Variants in SARDH observed in about 807,000 individuals in gnomAD.
The protein encoded by SARDH is sarcosine dehydrogenase, also known as sarcosine dehydrogenase, mitochondrial.
In SARDH, 95 loss-of-function variants were observed where a neutral mutation model predicts 109.1. The observed-to-expected ratio is 0.87, with a 90% CI of 0.74 to 1.03. SARDH has a LOEUF of 1.03. Among genes scored for constraint, SARDH ranks in the 50% least tolerant of loss-of-function variants. The pLI, the probability that SARDH is intolerant of heterozygous loss-of-function variation, is 0.00. For synonymous variants in SARDH, 572 were observed against 534.8 expected (o/e 1.07, Z -0.96); for missense variants, 1,267 against 1,287.8 (o/e 0.98, Z 0.25).
intron 13 of SARDH, among the ~76,000 whole-genome samples, chr9:133,701,719 C>T (rs909742744): frequency 6.6e-6 from 1 of 152,220 alleles, no homozygotes; most frequent in East Asian, 1.9e-4. Flanking sequence ...CCTGCTGCTG[C>T]GGCGCTTCAT....
rs1229851452 is a variant in SARDH at position 133,694,294 on chromosome 9, T to G, written c.1885A>C (p.Ser629Arg). The part of the protein sequence containing the change: ...SDLTVSRLAP[S>R]HQASPLAPAF... Reference sequence around the variant, plus strand: ...GGGGCCAGCGGGGAGGCCTGGTGGCTGGGTGCCAGGCGGCTGACAGTCAGG... The same window carrying G: ...GGGGCCAGCGGGGAGGCCTGGTGGCGGGGTGCCAGGCGGCTGACAGTCAGG... The change falls in exon 15 of 21, where the codon AGC becomes CGC. Residue 629 changes from serine (S) to arginine (R), a missense_variant. By Grantham distance (110) the Ser-to-Arg change is moderately radical. Coordinates refer to ENST00000439388, the MANE Select transcript of SARDH (RefSeq NM_001134707.2). 1 of 1,550,286 alleles carries G rather than the reference T, an allele frequency of 6.5e-7. No homozygotes were observed. The highest frequency in any genetic ancestry group is 2.4e-5 in the East Asian group (1 of 40,902).
At chr9:133,711,760 C>G (rs1056260768) in intron 10 of SARDH, among the ~76,000 whole-genome samples, 1 of 152,300 alleles carries the variant, frequency 6.6e-6, no homozygotes, top group Middle Eastern at 3.4e-3. Flanking sequence ...CAGCAGCAGC[C>G]GGGAGCAGAG....
At chr9:133,697,771 C>T (rs1465286613) in intron 13 of SARDH, among the ~76,000 whole-genome samples, 1 of 152,118 alleles carries the variant, frequency 6.6e-6, no homozygotes, top group Non-Finnish European at 1.5e-5. Context: ...CTTCCCTCAG[C>T]TGATGAAAGA....
chr9:133,684,797 G>A (rs559729713), intron 17 of SARDH, among the ~76,000 whole-genome samples: 5 of 152,300 alleles, frequency 3.3e-5, no homozygotes, highest in South Asian at 2.1e-4. Flanking sequence ...GGAGCTCTCC[G>A]GAGCCAGCTA....
At chr9:133,730,750 G>A (rs1254685652) in intron 4 of SARDH, among the ~76,000 whole-genome samples, 23 of 152,182 alleles carry the variant, frequency 1.5e-4, no homozygotes, top group Admixed American at 1.4e-3. Flanking sequence ...GGCCGAGGCC[G>A]GTGGATCACG....
At chr9:133,716,975 C>T (rs1028935259) in intron 8 of SARDH, among the ~76,000 whole-genome samples, 4 of 152,136 alleles carry the variant, frequency 2.6e-5, no homozygotes, top group Admixed American at 6.5e-5. Flanking sequence ...GGATGTGGCC[C>T]GCTATTCCCA....
chr9:133,682,781 T>C (rs1000358367), intron 17 of SARDH, among the ~76,000 whole-genome samples: 3 of 95,880 alleles, frequency 3.1e-5, no homozygotes, highest in Non-Finnish European at 5.8e-5. Flanking sequence ...CCACGCGCAG[T>C]GATGGTTGGA....
intron 6 of SARDH, among the ~76,000 whole-genome samples, chr9:133,723,500 C>A (rs759411199): frequency 6.6e-6 from 1 of 152,176 alleles, no homozygotes; most frequent in Non-Finnish European, 1.5e-5. Context: ...TGGTGGCTCA[C>A]GCCTGTAATC....
At chr9:133,662,357 C>A (rs1829912260), downstream of SARDH, among the ~76,000 whole-genome samples, 1 of 152,190 alleles carries the variant, frequency 6.6e-6, no homozygotes, top group African/African-American at 2.4e-5. This position sits in a 1 kb window ranked among gnomAD's most constrained non-coding sequence, Gnocchi z 5.1. Flanking sequence ...ATCCAGGGGT[C>A]TATGGCCAAA....
In SARDH at chr9:133,718,898, C is replaced by T. The variant is rs1449392904; in HGVS notation, c.1020+40G>A. The T allele has an allele frequency of 1.4e-6, 2 of 1,475,566 alleles. No individual in the cohort carries two copies. Among genetic ancestry groups the T allele is most frequent in the South Asian group, 2.3e-5 (2 of 87,918 alleles). The allele number at this position is 1,475,566 out of a possible 1,614,324, so 91.4% of individuals were successfully genotyped here. ...GGCCCTCTCCATGCTGAGATGCAGC[C>T]CCAACTCCCTCCCATTATCCCAGGG... On this transcript the variant is annotated intron_variant, in intron 7 of 20. Transcript: ENST00000439388. This position sits in a 1 kb window ranked among gnomAD's most constrained non-coding sequence, Gnocchi z 4.2.
intron 14 of SARDH, among the ~76,000 whole-genome samples, chr9:133,695,524 C>G (rs781406897): frequency 1.3e-5 from 2 of 152,170 alleles, no homozygotes; most frequent in Non-Finnish European, 2.9e-5. Context: ...AGCTGCATGC[C>G]GAGGAAGGCC....
At chr9:133,687,312 C>T (rs886185859) in intron 16 of SARDH, among the ~76,000 whole-genome samples, 3 of 152,162 alleles carry the variant, frequency 2.0e-5, no homozygotes, top group African/African-American at 7.2e-5. Flanking sequence ...ACCCTGTCTC[C>T]CAGGGCGGCT....
Position 133,685,177 on chromosome 9 carries a change from G to A in SARDH, c.2163+16C>T. On this transcript the variant is annotated intron_variant, in intron 17 of 20. Transcript: ENST00000439388. ...TGCCACCCACGACCCAGAGGACGTG[G>A]CCAGCTGGAACCTACCAGGTGCCCT... 6.2e-7 allele frequency: 1 copy of A among 1,611,680 alleles called. No homozygotes were observed. Among genetic ancestry groups the A allele is most frequent in the African/African-American group, 1.3e-5 (1 of 74,992 alleles).
rs557143038 is a variant in SARDH, at chr9:133,692,953, G to T, written c.1921+1305C>A. ...CTCCGCCACCAGCCTCCAGACCGCA[G>T]GGCTCACCTCACTACTCCCTGCTTT... On this transcript the variant is annotated intron_variant, in intron 15 of 20. Coordinates refer to ENST00000439388, the MANE Select transcript of SARDH (RefSeq NM_001134707.2). This position sits in a 1 kb window ranked among gnomAD's most constrained non-coding sequence, Gnocchi z 5.0. Among the ~76,000 whole-genome samples the T allele has an allele frequency of 3.9e-5, 6 of 152,158 alleles. No individual in the cohort carries two copies. The South Asian group carries it at 1.2e-3, about 32-fold the overall frequency.
intron 20 of SARDH, among the ~76,000 whole-genome samples, chr9:133,664,913 G>A (rs577425322): frequency 2.6e-4 from 39 of 152,240 alleles, no homozygotes; most frequent in Admixed American, 7.2e-4. Flanking sequence ...AACTCAAAGC[G>A]GGCATCTGGC....
intron 16 of SARDH, among the ~76,000 whole-genome samples, chr9:133,687,960 C>T (rs1287361941): frequency 6.6e-6 from 1 of 152,186 alleles, no homozygotes; most frequent in East Asian, 1.9e-4. Context: ...CCCGCCACCG[C>T]CTGGAGCAGC....
intron 13 of SARDH, among the ~76,000 whole-genome samples, chr9:133,697,330 C>G (rs1314824370): frequency 6.6e-6 from 1 of 152,178 alleles, no homozygotes; most frequent in African/African-American, 2.4e-5. Flanking sequence ...GATGGCTTCC[C>G]TGATGAATTT....
intron 17 of SARDH, among the ~76,000 whole-genome samples, chr9:133,677,054 G>A (rs1347870962): frequency 1.3e-4 from 20 of 152,110 alleles, no homozygotes; most frequent in Non-Finnish European, 2.5e-4. Context: ...CAGGAGAATT[G>A]GTTGAACCTG....
chr9:133,674,942 G>A (rs1830466049), intron 17 of SARDH, among the ~76,000 whole-genome samples: 1 of 152,176 alleles, frequency 6.6e-6, no homozygotes, highest in South Asian at 2.1e-4. Context: ...GCAACCCACG[G>A]GATGGGAGAG....
Sources: allele counts gnomAD v4.1 joint callset (sites outside exome capture counted in the v4.1 genomes callset), GRCh38; gene constraint gnomAD v4.1.1; non-coding constraint Gnocchi (gnomAD v3.1); transcripts MANE v1.5; gene names NCBI Gene and HGNC (gene_info 2026-07-23, HGNC 2026-07-21).